The following RIF1 variants were observed in gnomAD, a reference collection of about 807,000 sequenced individuals.
The protein encoded by RIF1 is replication timing regulatory factor 1.
RIF1 carries 45 observed loss-of-function variants against 247.1 expected under a neutral mutation model. The ratio of observed to expected loss-of-function variants is 0.18; its 90% CI spans 0.14 to 0.23. RIF1 has a LOEUF of 0.23. Among genes scored for constraint, RIF1 ranks in the 10% least tolerant of loss-of-function variants. The probability of loss-of-function intolerance (pLI) is 1.00; values close to 1 mark genes in which losing one functional copy is unlikely to be tolerated. For synonymous variants in RIF1, 1,087 were observed against 978.8 expected, an observed-to-expected ratio of 1.11 and a Z score of -2.06; for missense variants, 2,967 against 2,862.5, an observed-to-expected ratio of 1.04 and a Z score of -0.83.
In RIF1 at chr2:151,491,197, A is replaced by AT. The variant is rs1270956557; in HGVS notation, c.*416-4023dup. On this transcript the variant is annotated intron_variant and NMD_transcript_variant, in intron 9 of 13. Transcript: ENST00000454583. ...AGGTGTACAACACCACTCGCGGCTA[A>AT]TTTTTTTTTACTGTTTGTAGAAAAG... The AT allele has an allele frequency of 3.2e-3, 502 of 157,050 alleles. 2 individuals carry two copies. The highest frequency in any genetic ancestry group is 0.01 in the African/African-American group (424 of 41,268). 9.7% of individuals were successfully genotyped at this position (157,050 alleles called of 1,614,324 possible). A position where few individuals can be genotyped will look rare whatever the true frequency, so the allele number is the denominator to read the frequency against.
chr2:151,416,927 TGAA>T, intron 6 of RIF1, 26 bp downstream of exon 6: 2 of 1,538,314 alleles, frequency 1.3e-6, no homozygotes, highest in South Asian at 1.2e-5. Flanking sequence ...TTGTGCAAAT[TGAA>T]GAATAGTTTT....
In RIF1 at chr2:151,458,850, G is replaced by A. The variant is rs769488108; in HGVS notation, c.2895G>A (p.Leu965=). ...LTQAKQKFLL[L]LPGLETVEMM... ...AAGCCAAACAAAAATTTCTGCTCCT[G>A]TTGCCTGGTTTGGAAACTGTTGAAA... is the stretch of plus-strand genomic sequence containing the variant. The change falls in exon 25 of 36, where the codon CTG becomes CTA. Residue 965 remains leucine, a synonymous_variant. Transcript: ENST00000444746. 6.2e-7 allele frequency: 1 copy of A among 1,613,238 alleles called. No homozygotes were observed. The highest frequency in any genetic ancestry group is 1.7e-5 in the Admixed American group (1 of 59,892).
intron 3 of RIF1, among the ~76,000 whole-genome samples, chr2:151,413,458 G>C (rs1340334142): frequency 6.6e-6 from 1 of 152,326 alleles, no homozygotes; most frequent in East Asian, 1.9e-4. Flanking sequence ...AATTCTTTCA[G>C]AGTAGGAACC....
rs1559023363 is a variant in RIF1 at position 151,466,005 on chromosome 2, C to T, written c.6485C>T (p.Pro2162Leu). ...TCACTTGTGTCAGCAAATGACAGTC[C>T]TAGTGGCATGCAGACACGCTGTGTC... is the stretch of plus-strand genomic sequence containing the variant. Reference protein sequence around the residue: ...DPSLVSANDSPSGMQTRCVWS... With the variant: ...DPSLVSANDSLSGMQTRCVWS... The change falls in exon 30 of 36, where the codon CCT becomes CTT. Residue 2162 changes from proline (P) to leucine (L), a missense_variant. Transcript: ENST00000444746. The T allele has an allele frequency of 6.2e-7, 1 of 1,613,936 alleles. No individual in the cohort carries two copies. The highest frequency in any genetic ancestry group is 8.5e-7 in the Non-Finnish European group (1 of 1,179,856).
intron 9 of RIF1, chr2:151,492,610 G>C (rs879109963): frequency 4.6e-6 from 3 of 646,744 alleles, no homozygotes; most frequent in Admixed American, 3.2e-5. Context: ...CAACTGAAGG[G>C]GCCCAGTGAG....
chr2:151,522,453 C>T, the RIF1 span, among the ~76,000 whole-genome samples: 19 of 152,274 alleles, frequency 1.2e-4, no homozygotes, highest in Admixed American at 5.2e-4. Flanking sequence ...TTAACTTGAT[C>T]AGTGTCAGCA....
At chr2:151,513,002 A>G (rs753157256), downstream of RIF1, among the ~76,000 whole-genome samples, 27 of 152,234 alleles carry the variant, frequency 1.8e-4, no homozygotes, top group Admixed American at 7.2e-4. Context: ...TATACCAAAG[A>G]GTGAGATTCA....
intron 3 of RIF1, among the ~76,000 whole-genome samples, chr2:151,414,622 T>G (rs1289500985): frequency 6.6e-6 from 1 of 152,258 alleles, no homozygotes; most frequent in Non-Finnish European, 1.5e-5. Context: ...CGATCCAGTT[T>G]CCTCTCCTTT....
At chr2:151,422,764 G>A (rs967995559) in intron 7 of RIF1, among the ~76,000 whole-genome samples, 186 bp from the exon 8 acceptor site, 1 of 151,872 alleles carries the variant, frequency 6.6e-6, no homozygotes, top group East Asian at 1.9e-4. Flanking sequence ...TGATTCTCCT[G>A]CCTCAGCCTC....
At chr2:151,524,654 C>CTTTT in the RIF1 span, 441 of 257,296 alleles carry the variant, frequency 1.7e-3, 15 homozygotes, top group South Asian at 4.9e-3. Flanking sequence ...AAGAGAGAGG[C>CTTTT]TTTTTTTTTT....
the RIF1 span, chr2:151,519,826 G>A: frequency 8.7e-7 from 1 of 1,149,788 alleles, no homozygotes; most frequent in East Asian, 2.3e-5. Context: ...TTGGGAATTG[G>A]GGAATAGTAG....
chr2:151,468,870 C>A, intron 33 of RIF1, 114 bp downstream of exon 33: 1 of 751,830 alleles, frequency 1.3e-6, no homozygotes, highest in Non-Finnish European at 2.3e-6. Context: ...CTCTCACACA[C>A]ATTTTATTTT....
Position 151,454,905 on chromosome 2 carries a change from A to G in RIF1, c.2355A>G (p.Arg785=), listed in dbSNP as rs780435048. The G allele has an allele frequency of 6.3e-7, 1 of 1,593,572 alleles. No homozygotes were observed. The highest frequency in any genetic ancestry group is 1.1e-5 in the South Asian group (1 of 87,348). The change falls in exon 22 of 36, where the codon AGA becomes AGG. Residue 785 remains arginine, a synonymous_variant. Coordinates refer to ENST00000444746, the MANE Select transcript of RIF1 (RefSeq NM_018151.5). ...KYQPKVKSPQ[R]PSDWSKKKNE... The stretch of plus-strand genomic sequence containing the variant: ...AGTTTTTGTTTTTAGCACCACAGAG[A>G]CCTTCAGATTGGTCCAAAAAGAAGA...
intron 8 of RIF1, among the ~76,000 whole-genome samples, chr2:151,427,513 TTTTTTTTTTTAA>T (rs1199293532): frequency 1.5e-5 from 2 of 136,826 alleles, no homozygotes; most frequent in African/African-American, 5.6e-5. Flanking sequence ...GCCTGGCCTA[TTTTTTTTTTTAA>T]TTTTTTTTTT....
intron 30 of RIF1, among the ~76,000 whole-genome samples, chr2:151,467,231 GA>G (rs888236132): frequency 4.0e-5 from 6 of 150,222 alleles, no homozygotes; most frequent in Middle Eastern, 3.4e-3. Context: ...CTCAAAAAAA[GA>G]AAAAAAAATG....
In RIF1 at chr2:151,468,646, A is replaced by G. The variant is rs1473162042; in HGVS notation, c.6831A>G (p.Ser2277=). Reference sequence around the variant, plus strand: ...CTTCTGAAATTTATTCTAAGATTTCAGAAATGGCCAAAGAATCCATACCAT... The same window carrying G: ...CTTCTGAAATTTATTCTAAGATTTCGGAAATGGCCAAAGAATCCATACCAT... ...KFKSSKKCLI[S]EMAKESIPCP... is the part of the protein sequence containing the mutation. The change falls in exon 33 of 36, where the codon TCA becomes TCG. Residue 2277 remains serine (S), a synonymous_variant. Transcript: ENST00000444746. 1.9e-6 allele frequency: 3 copies of G among 1,613,690 alleles called. No individual in the cohort carries two copies. Among genetic ancestry groups the G allele is most frequent in the South Asian group, 2.2e-5 (2 of 91,082 alleles).
intron 20 of RIF1, among the ~76,000 whole-genome samples, chr2:151,449,985 G>A (rs1694005003): frequency 6.6e-6 from 1 of 152,042 alleles, no homozygotes; most frequent in Non-Finnish European, 1.5e-5. Context: ...GGGATTAAAG[G>A]CGTGTGCCAC....
rs544620007 is a variant in RIF1 at position 151,474,953 on chromosome 2, A to G, written c.7301A>G (p.His2434Arg). 5.6e-6 allele frequency: 9 copies of G among 1,611,952 alleles called. No homozygotes were observed. The highest frequency in any genetic ancestry group is 2.2e-5 in the East Asian group (1 of 44,818). The change falls in exon 36 of 36, where the codon CAT becomes CGT. Residue 2434 changes from histidine (H) to arginine (R), a missense_variant. Transcript: ENST00000444746. ...LALQLDSEDL[H>R]NYSGSQLFEM... ...CTTCAGCTGGATTCAGAAGATCTTC[A>G]TAATTATTCAGGAAGCCAACTATTT...
the RIF1 span, among the ~76,000 whole-genome samples, chr2:151,522,741 C>T: frequency 5.3e-5 from 8 of 152,212 alleles, no homozygotes; most frequent in African/African-American, 1.9e-4. Flanking sequence ...TCTTACATCA[C>T]TGATGTGTAC....
Sources: allele counts gnomAD v4.1 joint callset (sites outside exome capture counted in the v4.1 genomes callset), GRCh38; gene constraint gnomAD v4.1.1; transcripts MANE v1.5; gene names NCBI Gene and HGNC (gene_info 2026-07-23, HGNC 2026-07-21).